MAST2: variants seen among roughly 807,000 people sequenced by gnomAD.
The protein encoded by MAST2 is microtubule-associated serine/threonine-protein kinase 2.
In MAST2, 70 loss-of-function variants were observed where a neutral mutation model predicts 147.4. The ratio of observed to expected loss-of-function variants is 0.47; its 90% confidence interval spans 0.39 to 0.58. The LOEUF (loss-of-function observed/expected upper bound fraction) is 0.58. MAST2 is among the 20% of genes least tolerant of loss of function. The probability of loss-of-function intolerance (pLI) is 0.00; values close to 1 mark genes in which losing one functional copy is unlikely to be tolerated. For missense variants in MAST2, 2,080 were observed against 2,302.3 expected, an observed-to-expected ratio of 0.90 and a Z score of 1.98; for synonymous variants, 869 against 896.8, an observed-to-expected ratio of 0.97 and a Z score of 0.55.
intron 10 of MAST2, 97 bp from the exon 11 acceptor site, chr1:46,019,499 G>T: frequency 1.1e-6 from 1 of 928,276 alleles, no homozygotes; most frequent in Non-Finnish European, 1.7e-6. Context: ...CTATGCTACC[G>T]AATTGTTTCT....
At chr1:45,946,754 G>A (rs780047282) in intron 4 of MAST2, among the ~76,000 whole-genome samples, 16 of 152,054 alleles carry the variant, frequency 1.1e-4, no homozygotes, top group East Asian at 3.9e-4. Context: ...TCAAGATAGC[G>A]CTCTCTTTAT....
chr1:45,868,108 C>T (rs1442297070), intron 3 of MAST2, among the ~76,000 whole-genome samples: 2 of 152,144 alleles, frequency 1.3e-5, no homozygotes, highest in African/African-American at 2.4e-5. Flanking sequence ...GAGCCTCTGT[C>T]GGTGTAGGAA....
At chr1:45,881,057 A>G (rs1466229740) in intron 3 of MAST2, among the ~76,000 whole-genome samples, 2 of 152,118 alleles carry the variant, frequency 1.3e-5, no homozygotes, top group Non-Finnish European at 1.5e-5. Flanking sequence ...TGTATGAGGG[A>G]TATATTTCTT....
chr1:45,872,020 C>T (rs1347665538), intron 3 of MAST2, among the ~76,000 whole-genome samples: 1 of 152,144 alleles, frequency 6.6e-6, no homozygotes, highest in African/African-American at 2.4e-5. Flanking sequence ...TGAGCCACAG[C>T]ACCTTGCCTC....
chr1:46,032,136 A>G, intron 24 of MAST2, 42 bp from the exon 25 acceptor site: 1 of 1,512,796 alleles, frequency 6.6e-7, no homozygotes, highest in Non-Finnish European at 9.2e-7. Context: ...GGGCCAGGCC[A>G]AAGCCCTCTG....
intron 4 of MAST2, among the ~76,000 whole-genome samples, chr1:45,902,386 A>G (rs920559053): frequency 6.6e-6 from 1 of 152,240 alleles, no homozygotes; most frequent in African/African-American, 2.4e-5. Context: ...TCAGTTTACT[A>G]GTATTTTGTT....
chr1:45,966,004 T>G (rs1661140360), intron 5 of MAST2, among the ~76,000 whole-genome samples: 1 of 152,204 alleles, frequency 6.6e-6, no homozygotes, highest in Non-Finnish European at 1.5e-5. Context: ...GTCCTAAAAA[T>G]TATCTGTGCT....
chr1:45,817,117 C>T (rs894066375), intron 1 of MAST2, among the ~76,000 whole-genome samples: 1 of 152,042 alleles, frequency 6.6e-6, no homozygotes, highest in East Asian at 1.9e-4. Context: ...CAAATCTAAG[C>T]GTTTTGGCCT....
chr1:46,028,265 A>G (rs942771558), intron 17 of MAST2, among the ~76,000 whole-genome samples: 11 of 152,370 alleles, frequency 7.2e-5, no homozygotes, highest in Non-Finnish European at 8.8e-5. Context: ...ACAGAGTTTC[A>G]TATGAGATCA....
intron 4 of MAST2, among the ~76,000 whole-genome samples, chr1:45,887,552 C>T (rs1570554395): frequency 6.6e-6 from 1 of 152,134 alleles, no homozygotes; most frequent in African/African-American, 2.4e-5. Context: ...GCATAGTGGG[C>T]AGGGAGGAGT....
chr1:45,913,262 T>C (rs1313056245), intron 4 of MAST2, among the ~76,000 whole-genome samples: 2 of 152,202 alleles, frequency 1.3e-5, no homozygotes, highest in South Asian at 2.1e-4. Context: ...GGTTTGAGAA[T>C]GAATAATGCT....
chr1:46,024,063 A>G (rs772473993), intron 15 of MAST2, 83 bp downstream of exon 15: 1 of 1,370,904 alleles, frequency 7.3e-7, no homozygotes, highest in Non-Finnish European at 1.0e-6. Context: ...AGCTTTGTAC[A>G]GAGGTGAAGT....
chr1:45,921,758 G>A (rs1040698562), intron 4 of MAST2, among the ~76,000 whole-genome samples: 1 of 152,028 alleles, frequency 6.6e-6, no homozygotes, highest in African/African-American at 2.4e-5. Context: ...TCTCAGGTCT[G>A]GTCTCTCCAA....
rs560734938 is a variant in MAST2 at position 45,922,126 on chromosome 1, C to G, written c.501-37260C>G. Among the ~76,000 whole-genome samples, 5 of 152,288 alleles carry G rather than the reference C, an allele frequency of 3.3e-5. No homozygotes were observed. In the South Asian group the frequency reaches 1.0e-3, roughly 32 times the overall value. On this transcript the variant is annotated intron_variant, in intron 4 of 28. Coordinates refer to ENST00000361297, the MANE Select transcript of MAST2 (RefSeq NM_015112.3). ...GTCCCATTATCTCCCTATGGTCCCT[C>G]CCTCCTCTCCCCAAGCCTGGCTGAG...
rs775729504 is a variant in MAST2, at chr1:46,031,483, C to T, written c.3085C>T (p.Arg1029Trp). Residue 1029 changes from arginine (R) to tryptophan (W), a missense_variant, in exon 24 of 29, where the codon CGG (arginine) becomes TGG (tryptophan). This residue lies in a region of MAST2 where 1,278 missense variants were observed against 1,304.2 expected (regional missense o/e 0.98). Transcript: ENST00000361297. This position sits in a 1 kb window ranked among gnomAD's most constrained non-coding sequence, Gnocchi z 4.1. ...SDLAVRRARH[R>W]LLSGDSTEKR... ...CCTGGCTGTGCGTAGGGCCCGCCACCGGCTGCTCTCTGGGGACTCAACAGA... is the reference window on the plus strand; with the variant it reads ...CCTGGCTGTGCGTAGGGCCCGCCACTGGCTGCTCTCTGGGGACTCAACAGA... The T allele has an allele frequency of 1.7e-5, 28 of 1,614,012 alleles. No homozygotes were observed. The highest frequency in any genetic ancestry group is 4.0e-5 in the African/African-American group (3 of 74,928).
intron 15 of MAST2, among the ~76,000 whole-genome samples, chr1:46,024,842 G>A (rs1005647039): frequency 5.3e-5 from 8 of 152,124 alleles, no homozygotes; most frequent in Admixed American, 5.2e-4. Context: ...TCCATACCCT[G>A]TGTATTTTCA....
At chr1:45,930,885 G>T (rs1422923449) in intron 4 of MAST2, among the ~76,000 whole-genome samples, 1 of 152,168 alleles carries the variant, frequency 6.6e-6, no homozygotes, top group Non-Finnish European at 1.5e-5. Flanking sequence ...CATGTGACCT[G>T]CAAAGCCTAA....
intron 4 of MAST2, among the ~76,000 whole-genome samples, chr1:45,886,354 A>C (rs1338350812): frequency 6.6e-6 from 1 of 150,878 alleles, no homozygotes; most frequent in African/African-American, 2.4e-5. Context: ...ACACATTTAT[A>C]GTGACATTGG....
intron 1 of MAST2, among the ~76,000 whole-genome samples, chr1:45,823,642 C>T (rs1020937551): frequency 5.3e-5 from 8 of 152,126 alleles, no homozygotes; most frequent in African/African-American, 1.9e-4. Flanking sequence ...CCCAGTTATT[C>T]TCTAATGGTT....
Sources: allele counts gnomAD v4.1 joint callset (sites outside exome capture counted in the v4.1 genomes callset), GRCh38; gene constraint gnomAD v4.1.1; regional missense constraint gnomAD v4.1.1; non-coding constraint Gnocchi (gnomAD v3.1); transcripts MANE v1.5; gene names NCBI Gene and HGNC (gene_info 2026-07-23, HGNC 2026-07-21).